Variants in MSRA observed in about 807,000 individuals in gnomAD.
MSRA encodes mitochondrial peptide methionine sulfoxide reductase.
Under a neutral mutation model 31.3 loss-of-function variants are expected in MSRA, and 54 were observed. The observed-to-expected ratio is 1.73, with a 90% confidence interval of 1.39 to 2.17. MSRA has a LOEUF of 2.17. MSRA is among the 30% of genes most tolerant of loss of function. The probability of loss-of-function intolerance (pLI) is 0.00; values close to 1 mark genes in which losing one functional copy is unlikely to be tolerated. For synonymous variants in MSRA, 169 were observed against 116.5 expected (o/e 1.45, Z -2.90); for missense variants, 507 against 300.9 (o/e 1.69, Z -5.07).
chr8:10,099,659 G>C (rs562328345), intron 1 of MSRA, among the ~76,000 whole-genome samples: 27 of 152,306 alleles, frequency 1.8e-4, no homozygotes, highest in African/African-American at 6.5e-4. Flanking sequence ...AAAACAAAAA[G>C]TACTGTGCTT....
chr8:10,256,833 T>C (rs1798208705), intron 3 of MSRA, among the ~76,000 whole-genome samples: 1 of 152,192 alleles, frequency 6.6e-6, no homozygotes, highest in Admixed American at 6.5e-5. Context: ...GTGTTTCTTG[T>C]AAGATTTCTC....
At position 10,250,565 on chromosome 8, in the gene MSRA, A is replaced by G. The variant is rs964947336; in HGVS notation, c.331+5342A>G. 5.9e-6 allele frequency: 4 copies of G among 680,552 alleles called. No individual in the cohort carries two copies. In the Admixed American group the frequency reaches 6.4e-5, roughly 11 times the overall value. The allele number at this position is 680,552 out of a possible 1,614,324, so 42.2% of individuals were successfully genotyped here. A position where few individuals can be genotyped will look rare whatever the true frequency, so the allele number is the denominator to read the frequency against. On this transcript the variant is annotated intron_variant, in intron 3 of 5. Coordinates refer to ENST00000317173, the MANE Select transcript of MSRA (RefSeq NM_012331.5). Reference sequence around the variant, plus strand: ...TTACACAAGCAGCACGGGAAATCTGAGGCCCAGACATTTCCTTATCAACAG... The same window carrying G: ...TTACACAAGCAGCACGGGAAATCTGGGGCCCAGACATTTCCTTATCAACAG...
chr8:10,056,225 C>G (rs1219753271), intron 1 of MSRA, among the ~76,000 whole-genome samples: 2 of 147,404 alleles, frequency 1.4e-5, no homozygotes, highest in Non-Finnish European at 3.0e-5. Flanking sequence ...AAAAAAACCC[C>G]AAATAATCCA....
At chr8:10,226,143 G>A (rs1407386762) in intron 2 of MSRA, among the ~76,000 whole-genome samples, 1 of 152,154 alleles carries the variant, frequency 6.6e-6, no homozygotes, top group Non-Finnish European at 1.5e-5. Flanking sequence ...CATTTCTACA[G>A]CAGGTGACTG....
At chr8:10,221,343 A>G (rs12543841) in intron 2 of MSRA, among the ~76,000 whole-genome samples, 31,153 of 151,924 alleles carry the variant, frequency 0.21, 3,768 homozygotes, top group Admixed American at 0.33. Context: ...CTACCTTGCA[A>G]TGAAGAGGCT....
intron 2 of MSRA, among the ~76,000 whole-genome samples, chr8:10,241,299 G>C (rs1226494855): frequency 1.3e-5 from 2 of 152,132 alleles, no homozygotes; most frequent in Non-Finnish European, 1.5e-5. Context: ...TGTCAAACCA[G>C]AGAGCAAAGA....
chr8:10,428,076 C>G (rs573858114), intron 5 of MSRA, 72 bp from the exon 6 acceptor site: 1 of 1,526,890 alleles, frequency 6.5e-7, no homozygotes, highest in Admixed American at 2.1e-5. Flanking sequence ...AGCCCTGGCC[C>G]CTCAGTGCCA....
At chr8:10,269,851 C>A (rs1798937053) in intron 3 of MSRA, among the ~76,000 whole-genome samples, 2 of 152,096 alleles carry the variant, frequency 1.3e-5, no homozygotes, top group South Asian at 4.1e-4. Flanking sequence ...CGGGGTTTCA[C>A]CGTGTTAGCC....
At chr8:10,275,479 G>T (rs1173851024) in intron 3 of MSRA, among the ~76,000 whole-genome samples, 1 of 152,232 alleles carries the variant, frequency 6.6e-6, no homozygotes, top group African/African-American at 2.4e-5. Context: ...AAACAGAAAT[G>T]AAAGCACAAG....
chr8:10,084,923 T>A (rs1410859007), intron 1 of MSRA, among the ~76,000 whole-genome samples: 1 of 152,122 alleles, frequency 6.6e-6, no homozygotes, highest in Non-Finnish European at 1.5e-5. Flanking sequence ...TTTTAAAAAA[T>A]TTATTTTTTC....
At chr8:10,338,770 G>A (rs1803221958) in intron 5 of MSRA, among the ~76,000 whole-genome samples, 1 of 152,184 alleles carries the variant, frequency 6.6e-6, no homozygotes, top group Admixed American at 6.5e-5. Context: ...GACTTTTGTG[G>A]TGCTTTGGTG....
chr8:10,150,763 G>A (rs1418158989), intron 1 of MSRA, among the ~76,000 whole-genome samples: 1 of 152,082 alleles, frequency 6.6e-6, no homozygotes, highest in South Asian at 2.1e-4. Flanking sequence ...TGACAAGCGC[G>A]CAGGATTAAA....
At chr8:10,209,622 G>C (rs909507627) in intron 2 of MSRA, among the ~76,000 whole-genome samples, 2 of 152,144 alleles carry the variant, frequency 1.3e-5, no homozygotes, top group African/African-American at 4.8e-5. Context: ...TCTTCCCCAA[G>C]GCCCTCATTG....
At chr8:10,285,222 G>A (rs1041590813) in intron 3 of MSRA, among the ~76,000 whole-genome samples, 5 of 152,176 alleles carry the variant, frequency 3.3e-5, no homozygotes, top group South Asian at 4.1e-4. Flanking sequence ...CGCCTTCTCC[G>A]AGCCCTTGAC....
At chr8:10,202,424 G>C (rs1293426987) in intron 1 of MSRA, among the ~76,000 whole-genome samples, 2 of 152,180 alleles carry the variant, frequency 1.3e-5, no homozygotes, top group Non-Finnish European at 2.9e-5. Flanking sequence ...GATTTTCAGA[G>C]GTTTGTTATC....
chr8:10,391,464 C>T (rs911227353), intron 5 of MSRA, among the ~76,000 whole-genome samples: 1 of 152,200 alleles, frequency 6.6e-6, no homozygotes, highest in Non-Finnish European at 1.5e-5. Flanking sequence ...CTGTGGCATT[C>T]TCTGATTGAA....
Position 10,155,439 on chromosome 8 carries a change from C to G in MSRA, c.143-52394C>G, listed in dbSNP as rs12334616. Reference sequence around the variant, plus strand: ...TCAACTGAAGAGCCTAGAAGCTGTGCCATCCCAATACGCACACATTCTCTC... The same window carrying G: ...TCAACTGAAGAGCCTAGAAGCTGTGGCATCCCAATACGCACACATTCTCTC... On this transcript the variant is annotated intron_variant, in intron 1 of 5. Coordinates refer to ENST00000317173, the MANE Select transcript of MSRA (RefSeq NM_012331.5). Among the ~76,000 whole-genome samples the G allele has an allele frequency of 2.9e-3, 440 of 152,294 alleles. 2 individuals are homozygous for G. Among genetic ancestry groups the G allele is most frequent in the African/African-American group, 9.8e-3 (406 of 41,554 alleles).
chr8:10,198,020 G>C (rs746301446), intron 1 of MSRA, among the ~76,000 whole-genome samples: 1 of 152,200 alleles, frequency 6.6e-6, no homozygotes, highest in Non-Finnish European at 1.5e-5. Context: ...AAAGAAAACA[G>C]AGGAGTGGGA....
chr8:10,404,837 G>A (rs919795958), intron 5 of MSRA, among the ~76,000 whole-genome samples: 7 of 152,124 alleles, frequency 4.6e-5, no homozygotes, highest in South Asian at 2.1e-4. Flanking sequence ...TGGATGTGGC[G>A]TGTCCCACTT....
Sources: allele counts gnomAD v4.1 joint callset (sites outside exome capture counted in the v4.1 genomes callset), GRCh38; gene constraint gnomAD v4.1.1; transcripts MANE v1.5; gene names NCBI Gene and HGNC (gene_info 2026-07-23, HGNC 2026-07-21).